Variants in EMC3 observed in about 807,000 individuals in gnomAD.
EMC3 encodes the protein 30 kDa protein.
EMC3 carries 13 observed loss-of-function variants against 36.6 expected under a neutral mutation model. The observed-to-expected ratio is 0.35, with a 90% CI of 0.23 to 0.56. EMC3 has a LOEUF of 0.56. Ranked by LOEUF, EMC3 falls within the 20% of genes least tolerant of loss-of-function variation. The probability of loss-of-function intolerance (pLI) is 0.84; values close to 1 mark genes in which losing one functional copy is unlikely to be tolerated. For missense variants in EMC3, 220 were observed against 324.5 expected (o/e 0.68, Z 2.47); for synonymous variants, 120 against 111.9 (o/e 1.07, Z -0.46).
intron 1 of EMC3, chr3:10,007,510 T>G: frequency 1.5e-6 from 2 of 1,367,642 alleles, no homozygotes; most frequent in Non-Finnish European, 2.0e-6. Context: ...TTTCTTCTTT[T>G]GATAACAGTG....
At chr3:10,007,640 G>T in intron 1 of EMC3, 2 of 1,360,350 alleles carry the variant, frequency 1.5e-6, no homozygotes, top group Non-Finnish European at 2.0e-6. Flanking sequence ...GATGGAGGGG[G>T]TGGTGGGAAT....
chr3:9,976,671 C>G (rs147699675), intron 3 of EMC3, among the ~76,000 whole-genome samples: 1 of 152,154 alleles, frequency 6.6e-6, no homozygotes, highest in Non-Finnish European at 1.5e-5. Context: ...GTCCTGAGAA[C>G]AGCAATAAGG....
At chr3:10,006,630 A>G (rs1249523612) in intron 1 of EMC3, 1 of 200,142 alleles carries the variant, frequency 5.0e-6, no homozygotes, top group Non-Finnish European at 1.0e-5. Context: ...ACCAGGGGTC[A>G]GAGAGTGGCA....
At chr3:9,965,586 G>A (rs1010220943) in intron 7 of EMC3, among the ~76,000 whole-genome samples, 2 of 152,042 alleles carry the variant, frequency 1.3e-5, no homozygotes, top group Non-Finnish European at 2.9e-5. Context: ...ATATTCATAT[G>A]TGCAACCACC....
At chr3:9,997,413 C>T (rs1280785612) in intron 1 of EMC3, among the ~76,000 whole-genome samples, 1 of 152,052 alleles carries the variant, frequency 6.6e-6, no homozygotes, top group African/African-American at 2.4e-5. Context: ...TGCATCAGAA[C>T]TTCATTCCCT....
intron 1 of EMC3, among the ~76,000 whole-genome samples, chr3:9,984,240 C>A (rs1575685212): frequency 1.3e-5 from 2 of 151,902 alleles, no homozygotes; most frequent in East Asian, 1.9e-4. Context: ...TGCCATCACG[C>A]CCAGCTAATT....
At chr3:10,010,511 A>AC (rs1284929579) in intron 1 of EMC3, 1 of 152,056 alleles carries the variant, frequency 6.6e-6, no homozygotes, top group Non-Finnish European at 1.5e-5. Flanking sequence ...GCAGTAGGTC[A>AC]CCCCCATCTT....
chr3:9,981,323 A>T (rs2085909943), intron 1 of EMC3, among the ~76,000 whole-genome samples: 1 of 152,156 alleles, frequency 6.6e-6, no homozygotes, highest in Non-Finnish European at 1.5e-5. Flanking sequence ...ATTCATCTAA[A>T]TCTCCTACAA....
chr3:9,977,247 A>G, intron 2 of EMC3, 142 bp downstream of exon 2: 1 of 875,908 alleles, frequency 1.1e-6, no homozygotes, highest in Non-Finnish European at 1.8e-6. Context: ...TGAGGTCACC[A>G]TGAGAGCAAA....
intron 1 of EMC3, chr3:9,994,357 A>G: frequency 1.4e-6 from 1 of 725,790 alleles, no homozygotes; most frequent in Non-Finnish European, 2.4e-6. Context: ...CAAGGAGGGA[A>G]CAGAGGAAGG....
intron 1 of EMC3, chr3:9,994,453 T>A (rs75019234): frequency 9.2e-6 from 4 of 436,800 alleles, no homozygotes; most frequent in Non-Finnish European, 1.2e-5. Context: ...AAGCTCAATT[T>A]TACTCCCAGC....
chr3:9,981,609 A>T (rs898590947), intron 1 of EMC3: 17 of 229,910 alleles, frequency 7.4e-5, no homozygotes, highest in East Asian at 1.6e-4. Flanking sequence ...TTATTTATTT[A>T]TTTTTTGCAG....
chr3:10,005,332 C>G (rs896187330), intron 1 of EMC3: 4 of 152,056 alleles, frequency 2.6e-5, no homozygotes, highest in Non-Finnish European at 4.4e-5. Context: ...TGGACTTTGG[C>G]TTCAGTACAA....
intron 1 of EMC3, among the ~76,000 whole-genome samples, chr3:9,998,357 C>A (rs947697157): frequency 1.7e-5 from 2 of 114,428 alleles, no homozygotes; most frequent in African/African-American, 5.7e-5. Context: ...CAGAGCGAGA[C>A]TCTGTCTCAA....
intron 1 of EMC3, among the ~76,000 whole-genome samples, chr3:9,996,576 G>T (rs2124931791): frequency 6.6e-6 from 1 of 152,236 alleles, no homozygotes; most frequent in Middle Eastern, 3.4e-3. Flanking sequence ...TGAACAACTA[G>T]TATATTTTTT....
At chr3:10,008,378 C>G (rs1157006292) in intron 1 of EMC3, 1 of 1,365,904 alleles carries the variant, frequency 7.3e-7, no homozygotes, top group South Asian at 1.1e-5. Context: ...AACCCACAAA[C>G]AGAGAAGGTC....
chr3:9,985,317 C>T (rs2085958853), intron 1 of EMC3, among the ~76,000 whole-genome samples: 1 of 152,152 alleles, frequency 6.6e-6, no homozygotes, highest in South Asian at 2.1e-4. Context: ...AGTTCTTAGC[C>T]TGAGGCTTAC....
chr3:9,982,900 GA>G (rs1170798242), intron 1 of EMC3, among the ~76,000 whole-genome samples: 11 of 148,540 alleles, frequency 7.4e-5, no homozygotes, highest in African/African-American at 1.5e-4. Flanking sequence ...AAAAAAAAAA[GA>G]AAAAAAAAGT....
In EMC3 at chr3:9,977,383, G is replaced by A. The variant is rs1287351068; in HGVS notation, c.213+6C>T. On this transcript the variant is annotated splice_donor_region_variant and intron_variant, in intron 2 of 7. Transcript: ENST00000245046. ...TGGAGCTTTTTAATAAAAGATAAATGAGTACCTGTTTGGGAATGTATTTTC... is the reference window on the plus strand; with the variant it reads ...TGGAGCTTTTTAATAAAAGATAAATAAGTACCTGTTTGGGAATGTATTTTC... 1.2e-6 allele frequency: 2 copies of A among 1,609,988 alleles called. No individual in the cohort carries two copies. Among genetic ancestry groups the A allele is most frequent in the South Asian group, 2.2e-5 (2 of 90,220 alleles).
Sources: allele counts gnomAD v4.1 joint callset (sites outside exome capture counted in the v4.1 genomes callset), GRCh38; gene constraint gnomAD v4.1.1; transcripts MANE v1.5; gene names NCBI Gene and HGNC (gene_info 2026-07-23, HGNC 2026-07-21).